The following DCAF13 variants were observed in gnomAD, a reference collection of about 807,000 sequenced individuals.
The protein encoded by DCAF13 is DDB1- and CUL4-associated factor 13.
A neutral mutation model predicts 59.0 loss-of-function variants in DCAF13; 38 were observed. The ratio of observed to expected loss-of-function variants is 0.64; its 90% CI spans 0.50 to 0.84. The LOEUF (loss-of-function observed/expected upper bound fraction) is 0.84, where lower values mean the gene tolerates loss of function less well. DCAF13 is among the 40% of genes least tolerant of loss of function. The pLI, the probability that DCAF13 is intolerant of heterozygous loss-of-function variation, is 0.00. For synonymous variants in DCAF13, 173 were observed against 175.0 expected (o/e 0.99, Z 0.09); for missense variants, 469 against 558.4 (o/e 0.84, Z 1.61).
At chr8:103,431,296 AG>A (rs1216960018) in intron 6 of DCAF13, among the ~76,000 whole-genome samples, 1 of 152,236 alleles carries the variant, frequency 6.6e-6, no homozygotes, top group African/African-American at 2.4e-5. Context: ...AAGTAAGGAA[AG>A]GAGTGCCATT....
intron 9 of DCAF13, 84 bp from the exon 10 acceptor site, chr8:103,441,371 G>A: frequency 4.6e-6 from 6 of 1,311,434 alleles, no homozygotes; most frequent in Non-Finnish European, 6.2e-6. Flanking sequence ...GATTAGGTTA[G>A]GGGGAAAAGG....
intron 8 of DCAF13, among the ~76,000 whole-genome samples, chr8:103,438,922 T>C (rs1221619588): frequency 1.3e-5 from 2 of 152,202 alleles, no homozygotes; most frequent in Non-Finnish European, 2.9e-5. Context: ...CACTTACTAA[T>C]ATAGTATCAC....
chr8:103,420,555 A>G (rs1816709108), intron 2 of DCAF13, 92 bp downstream of exon 2: 1 of 1,335,040 alleles, frequency 7.5e-7, no homozygotes, highest in African/African-American at 1.5e-5. Context: ...GTTTTACTTT[A>G]TTGGATTTCA....
intron 3 of DCAF13, chr8:103,421,390 TAGTC>T: frequency 4.7e-6 from 2 of 429,978 alleles, no homozygotes; most frequent in South Asian, 4.1e-5. Flanking sequence ...GTACTTTTGT[TAGTC>T]AGATAATAAG....
At chr8:103,417,208 C>T (rs2130469192) in intron 1 of DCAF13, among the ~76,000 whole-genome samples, 1 of 152,276 alleles carries the variant, frequency 6.6e-6, no homozygotes, top group Admixed American at 6.5e-5. Flanking sequence ...TGCAACCCGT[C>T]CCGTTAATAC....
At chr8:103,417,223 C>T (rs1816633274) in intron 1 of DCAF13, among the ~76,000 whole-genome samples, 1 of 152,148 alleles carries the variant, frequency 6.6e-6, no homozygotes, top group Admixed American at 6.5e-5. Flanking sequence ...TAATACAGTA[C>T]AGTGCGAAAG....
chr8:103,417,912 G>A (rs1288185567), intron 1 of DCAF13, among the ~76,000 whole-genome samples: 1 of 152,110 alleles, frequency 6.6e-6, no homozygotes, highest in Non-Finnish European at 1.5e-5. Context: ...GAGGTCAGGA[G>A]ATCGAGACTA....
intron 3 of DCAF13, among the ~76,000 whole-genome samples, chr8:103,421,812 A>T (rs972433597): frequency 6.6e-6 from 1 of 152,148 alleles, no homozygotes; most frequent in Non-Finnish European, 1.5e-5. Flanking sequence ...CTTTCTTTTT[A>T]TGGCTAAATA....
intron 8 of DCAF13, among the ~76,000 whole-genome samples, chr8:103,436,495 T>C (rs17804400): frequency 0.084 from 12,796 of 152,248 alleles, 591 homozygotes; most frequent in South Asian, 0.16. Context: ...AGTGTGATTC[T>C]AATATTTAAG....
At position 103,432,697 on chromosome 8, in the gene DCAF13, C is replaced by T. The variant is rs780155775; in HGVS notation, c.741C>T (p.Asn247=). The T allele has an allele frequency of 6.2e-7, 1 of 1,606,248 alleles. No homozygotes were observed. Among genetic ancestry groups the T allele is most frequent in the South Asian group, 1.1e-5 (1 of 90,818 alleles). The change falls in exon 7 of 11, where the codon AAC becomes AAT. Residue 247 remains asparagine (N), a synonymous_variant. Transcript: ENST00000612750. ...TGAGAACAAATACAATCTGTTGGAACCCTATGGAAGCTTTCATTTTTACAG... is the reference window on the plus strand; with the variant it reads ...TGAGAACAAATACAATCTGTTGGAATCCTATGGAAGCTTTCATTTTTACAG... ...LDMRTNTICW[N]PMEAFIFTAA... is the part of the protein sequence containing the mutation.
At chr8:103,441,392 GC>G in intron 9 of DCAF13, 62 bp from the exon 10 acceptor site, 1 of 1,474,034 alleles carries the variant, frequency 6.8e-7, no homozygotes, top group East Asian at 2.4e-5. Context: ...GTGCTTTCTA[GC>G]TTTTTTATAC....
chr8:103,420,735 C>T (rs1480780810), intron 2 of DCAF13: 6 of 579,726 alleles, frequency 1.0e-5, no homozygotes, highest in Non-Finnish European at 1.5e-5. Flanking sequence ...GTTGTCAACA[C>T]CTAATTTCCT....
chr8:103,441,279 C>G (rs1817006925), intron 9 of DCAF13, 176 bp from the exon 10 acceptor site: 2 of 532,424 alleles, frequency 3.8e-6, no homozygotes, highest in African/African-American at 4.0e-5. Flanking sequence ...AAAGGAAATT[C>G]AGTGCTTGCA....
At chr8:103,420,153 C>CATAG (rs1277674050) in intron 1 of DCAF13, 111 bp from the exon 2 acceptor site, 5 of 927,610 alleles carry the variant, frequency 5.4e-6, no homozygotes, top group Non-Finnish European at 8.4e-6. Flanking sequence ...TAGTGTTAGG[C>CATAG]ATAGAACAAT....
intron 3 of DCAF13, among the ~76,000 whole-genome samples, chr8:103,422,830 G>A (rs895629246): frequency 6.6e-6 from 1 of 152,198 alleles, no homozygotes; most frequent in Admixed American, 6.5e-5. Flanking sequence ...GGTTGGCTGG[G>A]TGCAGAAGCT....
intron 3 of DCAF13, among the ~76,000 whole-genome samples, chr8:103,422,238 A>T (rs1197500214): frequency 6.6e-6 from 1 of 152,154 alleles, no homozygotes; most frequent in Non-Finnish European, 1.5e-5. Flanking sequence ...TGATGTGACA[A>T]ACTGGACTGC....
chr8:103,417,420 T>C (rs183154832), intron 1 of DCAF13, among the ~76,000 whole-genome samples: 56 of 151,790 alleles, frequency 3.7e-4, no homozygotes, highest in Non-Finnish European at 6.8e-4. Flanking sequence ...GACGGGCGGA[T>C]CACGAGGTCA....
In DCAF13 at chr8:103,415,409, C is replaced by T. The variant is rs564038600; in HGVS notation, c.-38C>T. ...AGGTGGCGGTGGGCGGAACTCCTAGCGGACACCTCGTGGAGTCCGGCCGGA... is the reference window on the plus strand; with the variant it reads ...AGGTGGCGGTGGGCGGAACTCCTAGTGGACACCTCGTGGAGTCCGGCCGGA... On this transcript the variant is annotated 5_prime_UTR_variant, in exon 1 of 11. Transcript: ENST00000612750. The T allele has an allele frequency of 6.2e-6, 10 of 1,614,044 alleles. No individual in the cohort carries two copies. The highest frequency in any genetic ancestry group is 4.5e-5 in the East Asian group (2 of 44,870).
chr8:103,426,069 A>G lies in DCAF13; in HGVS notation c.392A>G (p.Lys131Arg), dbSNP rs772637995. The G allele has an allele frequency of 6.2e-7, 1 of 1,612,456 alleles. No individual in the cohort carries two copies. Among genetic ancestry groups the G allele is most frequent in the African/African-American group, 1.3e-5 (1 of 74,904 alleles). Residue 131 changes from lysine to arginine, a missense_variant, in exon 4 of 11, where the codon AAA (lysine) becomes AGA (arginine). Lys to Arg is a conservative substitution (Grantham distance 26). Around this residue, in one of 3 missense-constraint regions of DCAF13, gnomAD observed 355 missense variants for 399.1 expected, o/e 0.89. Transcript: ENST00000612750. ...AAATATTTCTAGGTTGGTGATGACA[A>G]AACTGTGAAGCAGTGGAAAATGGAT... is the stretch of plus-strand genomic sequence containing the variant. ...GTSFFTVGDDKTVKQWKMDGP... is the reference protein window; with the variant it reads ...GTSFFTVGDDRTVKQWKMDGP...
Sources: allele counts gnomAD v4.1 joint callset (sites outside exome capture counted in the v4.1 genomes callset), GRCh38; gene constraint gnomAD v4.1.1; regional missense constraint gnomAD v4.1.1; transcripts MANE v1.5; gene names NCBI Gene and HGNC (gene_info 2026-07-23, HGNC 2026-07-21).